PLCE1: variants seen among roughly 807,000 people sequenced by gnomAD.
PLCE1 encodes the protein 1-phosphatidylinositol 4,5-bisphosphate phosphodiesterase epsilon-1.
In PLCE1, 119 loss-of-function variants were observed where a neutral mutation model predicts 242.8. That is an observed-to-expected ratio of 0.49 (90% CI 0.42 to 0.57). The LOEUF (loss-of-function observed/expected upper bound fraction) is 0.57. Among genes scored for constraint, PLCE1 ranks in the 20% least tolerant of loss-of-function variants. The probability of loss-of-function intolerance (pLI) is 0.00; values close to 1 mark genes in which losing one functional copy is unlikely to be tolerated. For missense variants in PLCE1, 2,441 were observed against 2,788.8 expected (o/e 0.88, Z 2.81); for synonymous variants, 945 against 1,017.4 (o/e 0.93, Z 1.35).
intron 20 of PLCE1, among the ~76,000 whole-genome samples, chr10:94,281,775 G>A (rs1589468686): frequency 6.6e-6 from 1 of 151,966 alleles, no homozygotes; most frequent in Non-Finnish European, 1.5e-5. Context: ...TTGAAAGATC[G>A]CTCTGACTGG....
chr10:94,303,683 C>G (rs11187847), intron 24 of PLCE1, among the ~76,000 whole-genome samples: 11,968 of 152,152 alleles, frequency 0.079, 558 homozygotes, highest in East Asian at 0.19. Flanking sequence ...ATACAATTGT[C>G]TGCATGGCTT....
At chr10:94,061,341 T>C (rs1349355998) in intron 2 of PLCE1, among the ~76,000 whole-genome samples, 1 of 152,142 alleles carries the variant, frequency 6.6e-6, no homozygotes, top group African/African-American at 2.4e-5. Context: ...CAGGAGTCCA[T>C]GGAAATGGGA....
intron 2 of PLCE1, among the ~76,000 whole-genome samples, chr10:94,048,709 A>G (rs1449386104): frequency 6.9e-6 from 1 of 145,482 alleles, no homozygotes; most frequent in Non-Finnish European, 1.5e-5. Context: ...AATATATATT[A>G]AATATATATG....
intron 3 of PLCE1, among the ~76,000 whole-genome samples, chr10:94,136,947 C>A (rs1157479639): frequency 3.3e-5 from 5 of 152,228 alleles, no homozygotes; most frequent in Non-Finnish European, 5.9e-5. Flanking sequence ...AATCCCAGCA[C>A]TTTGGTAGGC....
intron 2 of PLCE1, among the ~76,000 whole-genome samples, chr10:94,077,856 A>T (rs548618322): frequency 1.1e-4 from 17 of 152,258 alleles, no homozygotes; most frequent in African/African-American, 1.9e-4. Context: ...CGAGATAAAG[A>T]TACAAAATTA....
At chr10:94,235,712 A>G (rs2050299217) in intron 6 of PLCE1, 2 of 983,734 alleles carry the variant, frequency 2.0e-6, no homozygotes, top group Admixed American at 6.2e-5. Flanking sequence ...GAGGGATTAA[A>G]GTTGTCTCAG....
chr10:94,036,173 G>A (rs1322039274), intron 2 of PLCE1, among the ~76,000 whole-genome samples: 9 of 152,096 alleles, frequency 5.9e-5, no homozygotes, highest in Admixed American at 3.9e-4. Context: ...TTATTGTGGC[G>A]TTAAATGAGA....
intron 4 of PLCE1, among the ~76,000 whole-genome samples, chr10:94,209,499 C>T (rs2049266559): frequency 6.6e-6 from 1 of 152,158 alleles, no homozygotes; most frequent in African/African-American, 2.4e-5. Flanking sequence ...TTGCAGATCT[C>T]AATTTGCCTA....
chr10:94,185,512 G>A (rs1055965454), intron 4 of PLCE1, among the ~76,000 whole-genome samples: 3 of 152,056 alleles, frequency 2.0e-5, no homozygotes, highest in Admixed American at 6.6e-5. Context: ...AAAAAAAAAT[G>A]TCTGGGCATG....
At chr10:94,276,011 T>C (rs528525109) in intron 19 of PLCE1, among the ~76,000 whole-genome samples, 120 of 152,308 alleles carry the variant, frequency 7.9e-4, no homozygotes, top group African/African-American at 2.7e-3. Flanking sequence ...CTATTTCTGC[T>C]CTTCTTGGTT....
intron 12 of PLCE1, 41 bp downstream of exon 12, chr10:94,258,963 C>A (rs759496383): frequency 6.2e-7 from 1 of 1,614,036 alleles, no homozygotes. Context: ...CTCAGGCCCC[C>A]CCATTTCTAT....
chr10:94,199,611 A>G (rs1312245357), intron 4 of PLCE1, among the ~76,000 whole-genome samples: 1 of 152,254 alleles, frequency 6.6e-6, no homozygotes, highest in African/African-American at 2.4e-5. Flanking sequence ...AAAATAAGTT[A>G]TAACAAGTCT....
chr10:94,230,837 G>A (rs2137240155), intron 5 of PLCE1, among the ~76,000 whole-genome samples: 1 of 151,558 alleles, frequency 6.6e-6, no homozygotes, highest in Non-Finnish European at 1.5e-5. Flanking sequence ...TGGAACTCCT[G>A]GCCTCAAGTG....
chr10:94,289,227 G>C (rs1426118434), intron 22 of PLCE1, among the ~76,000 whole-genome samples: 2 of 152,066 alleles, frequency 1.3e-5, no homozygotes, highest in Admixed American at 6.5e-5. Flanking sequence ...ATAGTGACTG[G>C]GTAAGATGAG....
intron 1 of PLCE1, among the ~76,000 whole-genome samples, chr10:94,002,855 A>C (rs2060958010): frequency 6.6e-6 from 1 of 152,246 alleles, no homozygotes; most frequent in African/African-American, 2.4e-5. Flanking sequence ...TTTGGATCCT[A>C]GATTCCTTGC....
At chr10:94,256,323 C>CAAA (rs1316929334) in intron 11 of PLCE1, among the ~76,000 whole-genome samples, 18 of 55,182 alleles carry the variant, frequency 3.3e-4, no homozygotes, top group South Asian at 1.3e-3. Flanking sequence ...GAGCTTGTCT[C>CAAA]AAAAAAAAAA....
intron 2 of PLCE1, among the ~76,000 whole-genome samples, chr10:94,034,385 C>T (rs1309857382): frequency 6.6e-6 from 1 of 152,134 alleles, no homozygotes; most frequent in Non-Finnish European, 1.5e-5. Context: ...ATCTTAACTA[C>T]CTTAGGATTT....
intron 2 of PLCE1, among the ~76,000 whole-genome samples, chr10:94,058,293 A>C (rs1197774035): frequency 6.6e-6 from 1 of 152,184 alleles, no homozygotes; most frequent in Non-Finnish European, 1.5e-5. Context: ...TCTTTCTCTC[A>C]TCGCCTTTCA....
At chr10:94,279,582 T>C in intron 19 of PLCE1, 200 bp from the exon 20 acceptor site, 1 of 616,428 alleles carries the variant, frequency 1.6e-6, no homozygotes, top group Non-Finnish European at 2.9e-6. Flanking sequence ...TCCAGGATTC[T>C]TCCTGTAGGA....
Sources: allele counts gnomAD v4.1 joint callset (sites outside exome capture counted in the v4.1 genomes callset), GRCh38; gene constraint gnomAD v4.1.1; transcripts MANE v1.5; gene names NCBI Gene and HGNC (gene_info 2026-07-23, HGNC 2026-07-21).